The following DGKG variants were observed in gnomAD, a reference collection of about 807,000 sequenced individuals.
DGKG encodes the protein DAG kinase gamma.
Under a neutral mutation model 105.3 loss-of-function variants are expected in DGKG, and 78 were observed. That is an observed-to-expected ratio of 0.74 (90% CI 0.62 to 0.89). The LOEUF (loss-of-function observed/expected upper bound fraction) is 0.89. Ranked by LOEUF, DGKG falls within the 40% of genes least tolerant of loss-of-function variation. The pLI, the probability that DGKG is intolerant of heterozygous loss-of-function variation, is 0.00. For missense variants in DGKG, 958 were observed against 1,020.1 expected (o/e 0.94, Z 0.83); for synonymous variants, 346 against 367.1 (o/e 0.94, Z 0.66).
At chr3:186,345,219 T>G (rs1230283461) in intron 1 of DGKG, among the ~76,000 whole-genome samples, 1 of 152,224 alleles carries the variant, frequency 6.6e-6, no homozygotes, top group Non-Finnish European at 1.5e-5. Context: ...CTGCTTTAGT[T>G]TTTGTGGCAT....
At chr3:186,345,766 A>AGTTTT (rs755569302) in intron 1 of DGKG, among the ~76,000 whole-genome samples, 13 of 152,028 alleles carry the variant, frequency 8.6e-5, no homozygotes, top group East Asian at 1.9e-4. Context: ...TTTTGCATAT[A>AGTTTT]GTTTTGTTTT....
intron 6 of DGKG, among the ~76,000 whole-genome samples, chr3:186,285,175 T>C (rs1723005391): frequency 6.6e-6 from 1 of 152,220 alleles, no homozygotes; most frequent in South Asian, 2.1e-4. Context: ...TCCTTATCTA[T>C]AAAGTGGAGA....
chr3:186,334,746 A>G (rs1725749880), intron 1 of DGKG, among the ~76,000 whole-genome samples: 2 of 152,190 alleles, frequency 1.3e-5, no homozygotes, highest in Admixed American at 1.3e-4. Context: ...TGAAACACGG[A>G]GGTTAAGTAA....
intron 5 of DGKG, 133 bp from the exon 6 acceptor site, chr3:186,289,013 A>C: frequency 4.8e-6 from 4 of 827,958 alleles, no homozygotes; most frequent in Non-Finnish European, 7.4e-6. Context: ...TTGGTTACAT[A>C]GATGTGACCA....
intron 3 of DGKG, among the ~76,000 whole-genome samples, chr3:186,303,691 G>C (rs1724084989): frequency 6.6e-6 from 1 of 152,124 alleles, no homozygotes; most frequent in Admixed American, 6.5e-5. Context: ...TGCCTCTTTT[G>C]CTTTTCTGGG....
At chr3:186,190,657 CT>C (rs1717863015) in intron 21 of DGKG, among the ~76,000 whole-genome samples, 1 of 152,164 alleles carries the variant, frequency 6.6e-6, no homozygotes, top group Non-Finnish European at 1.5e-5. Context: ...CATTCTGAAC[CT>C]GTGTAGATTT....
Position 186,148,852 on chromosome 3 carries a change from A to G in DGKG, c.*1238T>C. 1 of 984,520 alleles carries G rather than the reference A, an allele frequency of 1.0e-6. No individual in the cohort carries two copies. The highest frequency in any genetic ancestry group is 1.2e-6 in the Non-Finnish European group (1 of 829,650). 61.0% of individuals were successfully genotyped at this position (984,520 alleles called of 1,614,324 possible). On this transcript the variant is annotated 3_prime_UTR_variant, in exon 25 of 25. Transcript: ENST00000265022. ...CAGGGAGATGCGTCCTGACAATGAA[A>G]CGGTGGAGTGGGGGAGTGAGAACCT...
chr3:186,241,554 A>AAAATAAAT (rs111955293), intron 20 of DGKG, among the ~76,000 whole-genome samples: 33 of 151,436 alleles, frequency 2.2e-4, no homozygotes, highest in African/African-American at 7.3e-4. Flanking sequence ...TTCCATCTCA[A>AAAATAAAT]AAATAAATAA....
chr3:186,350,169 C>T (rs1468978446), intron 1 of DGKG, among the ~76,000 whole-genome samples: 2 of 152,150 alleles, frequency 1.3e-5, no homozygotes, highest in Non-Finnish European at 1.5e-5. Context: ...GGATTATAGG[C>T]ATGAGCCACC....
At chr3:186,301,522 G>A (rs1723920252) in intron 3 of DGKG, among the ~76,000 whole-genome samples, 1 of 152,186 alleles carries the variant, frequency 6.6e-6, no homozygotes, top group Non-Finnish European at 1.5e-5. Context: ...AGCTACTCGG[G>A]AGGCTGAGGC....
chr3:186,195,019 C>T (rs58289819), intron 21 of DGKG, among the ~76,000 whole-genome samples: 2 of 152,044 alleles, frequency 1.3e-5, no homozygotes, highest in East Asian at 1.9e-4. Flanking sequence ...GCAGGAGAAT[C>T]GCTTGAACCC....
intron 20 of DGKG, among the ~76,000 whole-genome samples, chr3:186,215,808 G>T (rs900234541): frequency 6.6e-6 from 1 of 152,118 alleles, no homozygotes; most frequent in African/African-American, 2.4e-5. Flanking sequence ...AGGGGCACAG[G>T]ATATTGATTT....
chr3:186,334,021 T>G (rs1259063476), intron 1 of DGKG, among the ~76,000 whole-genome samples: 1 of 152,130 alleles, frequency 6.6e-6, no homozygotes, highest in East Asian at 1.9e-4. Flanking sequence ...GAAGCGCTTG[T>G]GTTCTCCCTC....
At chr3:186,268,449 C>T (rs1415688533) in intron 12 of DGKG, among the ~76,000 whole-genome samples, 1 of 152,156 alleles carries the variant, frequency 6.6e-6, no homozygotes, top group Admixed American at 6.5e-5. Context: ...TCCTGTTGTC[C>T]AATTTTTCTC....
At chr3:186,330,906 C>A (rs1032403076) in intron 1 of DGKG, among the ~76,000 whole-genome samples, 1 of 152,182 alleles carries the variant, frequency 6.6e-6, no homozygotes, top group Non-Finnish European at 1.5e-5. Context: ...GATTTTGGGG[C>A]AGTTAGTTAT....
chr3:186,170,144 C>T, intron 22 of DGKG, among the ~76,000 whole-genome samples: 1 of 152,174 alleles, frequency 6.6e-6, no homozygotes. Context: ...TTAGAATGAC[C>T]TGGGGAGCTT....
At chr3:186,330,383 C>T (rs535652634) in intron 1 of DGKG, among the ~76,000 whole-genome samples, 2 of 152,238 alleles carry the variant, frequency 1.3e-5, no homozygotes, top group Admixed American at 6.5e-5. Flanking sequence ...CATTGGTGGT[C>T]CCCCAAACCA....
chr3:186,294,442 A>C (rs908471757), intron 5 of DGKG, among the ~76,000 whole-genome samples: 1 of 151,028 alleles, frequency 6.6e-6, no homozygotes, highest in Non-Finnish European at 1.5e-5. Flanking sequence ...AGGCTGAGAC[A>C]GGAGAATTGC....
At chr3:186,209,152 G>A (rs182454696) in intron 21 of DGKG, among the ~76,000 whole-genome samples, 1 of 140,134 alleles carries the variant, frequency 7.1e-6, no homozygotes, top group Non-Finnish European at 1.5e-5. Flanking sequence ...GCAGGCTGGA[G>A]TGCAGTGGCA....
Sources: allele counts gnomAD v4.1 joint callset (sites outside exome capture counted in the v4.1 genomes callset), GRCh38; gene constraint gnomAD v4.1.1; transcripts MANE v1.5; gene names NCBI Gene and HGNC (gene_info 2026-07-23, HGNC 2026-07-21).